SI: variants seen among roughly 807,000 people sequenced by gnomAD.
The protein encoded by SI is sucrase-isomaltase, intestinal.
In SI, 235 loss-of-function variants were observed where a neutral mutation model predicts 253.3. The ratio of observed to expected loss-of-function variants is 0.93; its 90% CI spans 0.83 to 1.03. The LOEUF is 1.03. Ranked by LOEUF, SI falls within the 50% of genes least tolerant of loss-of-function variation. The probability of loss-of-function intolerance (pLI) is 0.00; values close to 1 mark genes in which losing one functional copy is unlikely to be tolerated. For missense variants in SI, 2,442 were observed against 2,211.1 expected (o/e 1.10, Z -2.09); for synonymous variants, 819 against 712.0 (o/e 1.15, Z -2.39).
At chr3:165,046,100 G>T (rs1353472456) in intron 16 of SI, among the ~76,000 whole-genome samples, 2 of 151,730 alleles carry the variant, frequency 1.3e-5, no homozygotes, top group Non-Finnish European at 2.9e-5. Context: ...CAAATTGCTG[G>T]GATTACAGGA....
Position 165,041,197 on chromosome 3 carries a change from A to T in SI, c.2005-103T>A, listed in dbSNP as rs919190564. On this transcript the variant is annotated intron_variant, in intron 17 of 47. Coordinates refer to ENST00000264382, the MANE Select transcript of SI (RefSeq NM_001041.4). Reference sequence around the variant, plus strand: ...TTTTTAAAGCAACTACATAAATTTCAGCTTGTTTATGAGAAATTAAAATTA... The same window carrying T: ...TTTTTAAAGCAACTACATAAATTTCTGCTTGTTTATGAGAAATTAAAATTA... 5 of 998,330 alleles carry T rather than the reference A, an allele frequency of 5.0e-6. No homozygotes were observed. The African/African-American group carries it at 6.4e-5, about 13-fold the overall frequency. 61.8% of individuals were successfully genotyped at this position (998,330 alleles called of 1,614,324 possible).
At chr3:165,007,466 TG>T (rs1186941379) in intron 36 of SI, among the ~76,000 whole-genome samples, 1 of 152,054 alleles carries the variant, frequency 6.6e-6, no homozygotes, top group African/African-American at 2.4e-5. Context: ...AACAGATAAG[TG>T]TTAGCATTCT....
chr3:165,032,602 T>C lies in SI; in HGVS notation c.2656A>G (p.Ser886Gly), dbSNP rs1347440062. Residue 886 changes from serine (S) to glycine (G), a missense_variant, in exon 24 of 48, where the codon AGT becomes GGT. By Grantham distance (56) the Ser-to-Gly change is moderately conservative. Transcript: ENST00000264382. Reference protein sequence around the residue: ...QTVKILGLTDSVTEVRVAENN... With the variant: ...QTVKILGLTDGVTEVRVAENN... ...TCCGCCACTCTAACTTCTGTAACAC[T>C]GTCTGTCAACCCAAGGATTTTTACA... 1.2e-6 allele frequency: 2 copies of C among 1,608,848 alleles called. No individual in the cohort carries two copies. The highest frequency in any genetic ancestry group is 1.7e-5 in the Admixed American group (1 of 59,598).
chr3:164,985,908 G>A (rs758543001), intron 45 of SI, among the ~76,000 whole-genome samples: 25 of 151,974 alleles, frequency 1.6e-4, no homozygotes, highest in Non-Finnish European at 7.4e-5. Flanking sequence ...TGATAACAAC[G>A]GTTAGTGAAT....
chr3:165,030,965 A>T, intron 24 of SI, 98 bp from the exon 25 acceptor site: 1 of 1,431,944 alleles, frequency 7.0e-7, no homozygotes, highest in South Asian at 1.4e-5. Flanking sequence ...ATTTAAAAAA[A>T]CATTTTACAT....
chr3:165,010,326 A>C (rs1559987769), intron 34 of SI, among the ~76,000 whole-genome samples: 1 of 151,832 alleles, frequency 6.6e-6, no homozygotes. Context: ...CACCTGGCTA[A>C]TTTTTTGTAT....
intron 12 of SI, among the ~76,000 whole-genome samples, chr3:165,057,640 C>G (rs188434723): frequency 5.7e-4 from 86 of 151,110 alleles, no homozygotes; most frequent in African/African-American, 2.0e-3. Context: ...CTGGCACAGA[C>G]TTTTCAGTGT....
intron 44 of SI, among the ~76,000 whole-genome samples, chr3:164,987,433 G>A (rs535852765): frequency 1.4e-4 from 21 of 152,174 alleles, no homozygotes; most frequent in Admixed American, 4.6e-4. Context: ...TATTTAGGCC[G>A]GGTGCGGTGG....
At chr3:165,052,956 GT>G (rs200515777) in intron 13 of SI, among the ~76,000 whole-genome samples, 7,711 of 151,630 alleles carry the variant, frequency 0.051, 324 homozygotes, top group Non-Finnish European at 0.075. Flanking sequence ...AAATTATTCA[GT>G]TTTTTCATTG....
At position 165,068,738 on chromosome 3, in the gene SI, T is replaced by C. The variant is rs771312802; in HGVS notation, c.467A>G (p.Asn156Ser). Reference protein sequence around the residue: ...VLFTTQNQTPNRFRFKITDPN... With the variant: ...VLFTTQNQTPSRFRFKITDPN... ...AAACCGAACCTTGAACCGGAAACGA[T>C]TGGGTGTCTGATTTTGAGTTGTGAA... The change falls in exon 5 of 48, where the codon AAT becomes AGT. Residue 156 changes from asparagine to serine, a missense_variant. Transcript: ENST00000264382. The C allele has an allele frequency of 1.9e-5, 30 of 1,612,276 alleles. No individual in the cohort carries two copies. Among genetic ancestry groups the C allele is most frequent in the Non-Finnish European group, 2.4e-5 (28 of 1,178,492 alleles).
rs6799858 is a variant in SI, at chr3:164,987,130, G to A, written c.5197+8C>T. The A allele has an allele frequency of 9.2e-3, 14,677 of 1,598,402 alleles. 1,140 individuals carry two copies. In the African/African-American group the frequency reaches 0.17, roughly 19 times the overall value. On this transcript the variant is annotated splice_region_variant and intron_variant, in intron 45 of 47. Coordinates refer to ENST00000264382, the MANE Select transcript of SI (RefSeq NM_001041.4). ...CAATTAAATTTATCTACTAAATCGA[G>A]CACTCACCTATACTCTCTCCATCAT...
At chr3:165,052,370 G>C (rs1713476043) in intron 13 of SI, among the ~76,000 whole-genome samples, 1 of 152,160 alleles carries the variant, frequency 6.6e-6, no homozygotes, top group Non-Finnish European at 1.5e-5. Context: ...CTAAAGATAT[G>C]TAGGTGTCAT....
chr3:165,077,634 C>A (rs1485596181), intron 1 of SI, among the ~76,000 whole-genome samples: 1 of 151,400 alleles, frequency 6.6e-6, no homozygotes, highest in African/African-American at 2.4e-5. Flanking sequence ...AAAATGAAGC[C>A]CAGTTGCGTG....
chr3:165,062,174 G>T (rs1714015472), intron 9 of SI, among the ~76,000 whole-genome samples, 197 bp downstream of exon 9: 1 of 151,210 alleles, frequency 6.6e-6, no homozygotes, highest in Non-Finnish European at 1.5e-5. Flanking sequence ...CAGAAACATA[G>T]ATACTTGAGT....
intron 44 of SI, among the ~76,000 whole-genome samples, chr3:164,990,874 T>C (rs1717698991): frequency 6.6e-6 from 1 of 151,392 alleles, no homozygotes; most frequent in African/African-American, 2.4e-5. Flanking sequence ...GTTGTGCACA[T>C]GTACCCTAAA....
intron 37 of SI, among the ~76,000 whole-genome samples, chr3:165,001,274 G>T (rs1440476823): frequency 6.6e-6 from 1 of 151,276 alleles, no homozygotes; most frequent in Non-Finnish European, 1.5e-5. Flanking sequence ...GTAGAGAAAA[G>T]AAAGTTATTA....
chr3:165,043,867 A>G (rs1712984010), intron 16 of SI, among the ~76,000 whole-genome samples: 1 of 152,046 alleles, frequency 6.6e-6, no homozygotes, highest in Non-Finnish European at 1.5e-5. Flanking sequence ...AAATTCAATT[A>G]TATTAATGTC....
rs182977350 is a variant in SI at position 164,990,845 on chromosome 3, A to G, written c.5108+508T>C. ...GCACACCAACATGGCACATGTATAC[A>G]TATGTAACTAACCTGCACGTTGTGC... On this transcript the variant is annotated intron_variant, in intron 44 of 47. Transcript: ENST00000264382. Among the ~76,000 whole-genome samples, 29 of 152,116 alleles carry G rather than the reference A, an allele frequency of 1.9e-4. No individual in the cohort carries two copies. In the East Asian group the frequency reaches 5.6e-3, roughly 29 times the overall value.
chr3:165,033,800 T>C (rs1393834308), intron 22 of SI, among the ~76,000 whole-genome samples: 1 of 151,576 alleles, frequency 6.6e-6, no homozygotes, highest in East Asian at 1.9e-4. Flanking sequence ...TAACAGTACA[T>C]TTTTCTTAGG....
Sources: gnomAD v4.1 joint callset for allele counts (sites outside exome capture counted in the v4.1 genomes callset) on GRCh38, gnomAD v4.1.1 for gene constraint, MANE v1.5 for transcripts, NCBI Gene and HGNC (gene_info 2026-07-23, HGNC 2026-07-21) for gene names.